The following CRADD variants were observed in gnomAD, a reference collection of about 807,000 sequenced individuals.
The protein encoded by CRADD is death domain-containing protein CRADD.
Under a neutral mutation model 15.5 loss-of-function variants are expected in CRADD, and 9 were observed. The observed-to-expected ratio is 0.58, with a 90% CI of 0.35 to 1.01. The LOEUF is 1.01. CRADD is among the 50% of genes least tolerant of loss of function. The pLI is 0.02. For synonymous variants in CRADD, 118 were observed against 107.6 expected, an observed-to-expected ratio of 1.10 and a Z score of -0.60; for missense variants, 227 against 250.3, an observed-to-expected ratio of 0.91 and a Z score of 0.63.
rs538424382 is a variant in CRADD, at chr12:93,704,106, C to G, written c.298+25034C>G. ...AAAGTGCTGGAATTACAGGTGTGAG[C>G]CACCACACCTGGCCTATTTGGAGCC... is the stretch of plus-strand genomic sequence containing the variant. On this transcript the variant is annotated intron_variant, in intron 2 of 2. Coordinates refer to ENST00000332896, the MANE Select transcript of CRADD (RefSeq NM_003805.5). 2.7e-5 allele frequency among the ~76,000 whole-genome samples: 4 copies of G among 150,200 alleles called. No individual in the cohort carries two copies. The South Asian group carries it at 8.4e-4, about 32-fold the overall frequency.
rs373424059 is a variant in CRADD, at chr12:93,747,504, A to T, written c.298+68432A>T. Among the ~76,000 whole-genome samples the T allele has an allele frequency of 2.0e-5, 3 of 146,476 alleles. 1 individual carries two copies. The highest frequency in any genetic ancestry group is 4.0e-4 in the East Asian group (2 of 5,050). On this transcript the variant is annotated intron_variant, in intron 2 of 2. Coordinates refer to ENST00000332896, the MANE Select transcript of CRADD (RefSeq NM_003805.5). ...CAGATGTAGTCTTGCTCTGTTGCCCAGGCTGGAGTGCAGTGGTGCGATCTC... is the reference window on the plus strand; with the variant it reads ...CAGATGTAGTCTTGCTCTGTTGCCCTGGCTGGAGTGCAGTGGTGCGATCTC...
chr12:93,872,797 T>G (rs1307797029), intron 2 of CRADD, among the ~76,000 whole-genome samples: 1 of 152,178 alleles, frequency 6.6e-6, no homozygotes, highest in African/African-American at 2.4e-5. Context: ...CCATACTGTT[T>G]TGGTTACTAT....
intron 2 of CRADD, among the ~76,000 whole-genome samples, chr12:93,685,741 C>T (rs1256457517): frequency 1.3e-5 from 2 of 152,184 alleles, no homozygotes; most frequent in East Asian, 3.8e-4. Flanking sequence ...CCTGTGATCC[C>T]AGCATTTTGG....
chr12:93,749,272 G>A (rs1350814793), intron 2 of CRADD, among the ~76,000 whole-genome samples: 1 of 152,190 alleles, frequency 6.6e-6, no homozygotes, highest in Non-Finnish European at 1.5e-5. Context: ...GGGCCAAGAT[G>A]GGGAGGAGCT....
intron 2 of CRADD, among the ~76,000 whole-genome samples, chr12:93,830,566 G>C (rs1054899743): frequency 2.6e-5 from 4 of 152,144 alleles, no homozygotes; most frequent in African/African-American, 4.8e-5. Flanking sequence ...TTAACAAGGA[G>C]ATTAAAAGAA....
At chr12:93,742,513 C>G (rs1221838333) in intron 2 of CRADD, among the ~76,000 whole-genome samples, 1 of 151,386 alleles carries the variant, frequency 6.6e-6, no homozygotes, top group African/African-American at 2.4e-5. Flanking sequence ...GGGGCGCCTG[C>G]AAGACCTGTT....
At position 93,850,012 on chromosome 12, in the gene CRADD, C is replaced by T. The variant is rs1171199850; in HGVS notation, c.341C>T (p.Ser114Phe). 2 of 1,611,328 alleles carry T rather than the reference C, an allele frequency of 1.2e-6. No homozygotes were observed. Among genetic ancestry groups the T allele is most frequent in the African/African-American group, 1.3e-5 (1 of 74,846 alleles). The change falls in exon 3 of 3, where the codon TCC (serine) becomes TTC (phenylalanine). Residue 114 changes from serine to phenylalanine, a missense_variant. Ser to Phe is a radical substitution (Grantham distance 155, BLOSUM62 -2). Coordinates refer to ENST00000332896, the MANE Select transcript of CRADD (RefSeq NM_003805.5). This position sits in a 1 kb window ranked among gnomAD's most constrained non-coding sequence, Gnocchi z 4.0. ...ATCCCCTCGCACATCCTCAACAGCT[C>T]CCCATCAGACCGGCAGATTAACCAG... ...TGIPSHILNS[S>F]PSDRQINQLA...
At chr12:93,828,209 G>A (rs2137026756) in intron 2 of CRADD, among the ~76,000 whole-genome samples, 1 of 152,218 alleles carries the variant, frequency 6.6e-6, no homozygotes, top group East Asian at 1.9e-4. Flanking sequence ...ATGTATACAA[G>A]TCCTTTACAA....
At chr12:93,838,514 T>A (rs1958006230) in intron 2 of CRADD, among the ~76,000 whole-genome samples, 1 of 150,752 alleles carries the variant, frequency 6.6e-6, no homozygotes, top group African/African-American at 2.4e-5. Context: ...TCTCTCACTC[T>A]CTCCCTCCCT....
intron 2 of CRADD, among the ~76,000 whole-genome samples, chr12:93,845,286 G>T (rs1474692180): frequency 6.6e-6 from 1 of 152,236 alleles, no homozygotes; most frequent in Non-Finnish European, 1.5e-5. Context: ...AAAGTGAGGA[G>T]AGTGTCAAAA....
chr12:93,806,015 G>C (rs968123226), intron 2 of CRADD, among the ~76,000 whole-genome samples: 2 of 152,146 alleles, frequency 1.3e-5, no homozygotes, highest in Non-Finnish European at 2.9e-5. Flanking sequence ...TTTAGACGTT[G>C]GCAGTGGCAG....
At chr12:93,691,254 TC>T (rs1955561776) in intron 2 of CRADD, among the ~76,000 whole-genome samples, 2 of 125,394 alleles carry the variant, frequency 1.6e-5, no homozygotes, top group Non-Finnish European at 3.2e-5. Context: ...TCTTTTGTTT[TC>T]TTTTTTTTTT....
intron 2 of CRADD, among the ~76,000 whole-genome samples, chr12:93,732,212 C>T (rs1045491386): frequency 2.6e-5 from 4 of 151,626 alleles, no homozygotes; most frequent in South Asian, 2.1e-4. Flanking sequence ...TGCACAGTGA[C>T]TTTGAACATT....
intron 2 of CRADD, among the ~76,000 whole-genome samples, chr12:93,757,350 G>T (rs890027942): frequency 7.2e-5 from 11 of 152,100 alleles, no homozygotes; most frequent in African/African-American, 2.4e-4. Context: ...CTGCCTATGT[G>T]GCTGCCCCAA....
chr12:93,732,302 A>G (rs1349493691), intron 2 of CRADD, among the ~76,000 whole-genome samples: 2 of 152,136 alleles, frequency 1.3e-5, no homozygotes, highest in Non-Finnish European at 2.9e-5. Context: ...GTCTCTAAAG[A>G]TTTGGGCGCA....
exon 3 of CRADD, chr12:93,894,207 C>T: frequency 1.4e-6 from 1 of 693,096 alleles, no homozygotes; most frequent in South Asian, 1.5e-5. Context: ...TTTTGCCTTC[C>T]AGGGGACATT....
chr12:93,806,483 A>G (rs1487617478), intron 2 of CRADD, among the ~76,000 whole-genome samples: 1 of 150,886 alleles, frequency 6.6e-6, no homozygotes, highest in Non-Finnish European at 1.5e-5. Flanking sequence ...CAAAAAAAAG[A>G]AAAAAAAGGA....
At chr12:93,851,659 G>T (rs2137051746), downstream of CRADD, among the ~76,000 whole-genome samples, 1 of 152,342 alleles carries the variant, frequency 6.6e-6, no homozygotes, top group African/African-American at 2.4e-5. Context: ...TGTGGGAGGA[G>T]CTACTATTGC....
chr12:93,688,381 T>C (rs1955485277), intron 2 of CRADD, among the ~76,000 whole-genome samples: 1 of 151,926 alleles, frequency 6.6e-6, no homozygotes, highest in Admixed American at 6.6e-5. Context: ...CACACACCTG[T>C]CATCCCAGCT....
Sources: gnomAD v4.1 joint callset for allele counts (sites outside exome capture counted in the v4.1 genomes callset) on GRCh38, gnomAD v4.1.1 for gene constraint, Gnocchi (gnomAD v3.1) non-coding constraint, MANE v1.5 for transcripts, NCBI Gene and HGNC (gene_info 2026-07-23, HGNC 2026-07-21) for gene names.